Variants in JAZF1 observed in about 807,000 individuals in gnomAD.
JAZF1 encodes the protein JAZF zinc finger 1.
JAZF1 carries 8 observed loss-of-function variants against 26.4 expected under a neutral mutation model. The observed-to-expected ratio is 0.30, with a 90% CI of 0.18 to 0.55. The LOEUF (loss-of-function observed/expected upper bound fraction) is 0.55, where lower values mean the gene tolerates loss of function less well. JAZF1 is among the 20% of genes least tolerant of loss of function. The pLI is 0.94. For synonymous variants in JAZF1, 126 were observed against 122.3 expected (o/e 1.03, Z -0.20); for missense variants, 199 against 322.0 (o/e 0.62, Z 2.92).
intron 1 of JAZF1, among the ~76,000 whole-genome samples, chr7:28,027,042 C>T (rs1783105624): frequency 6.6e-6 from 1 of 152,208 alleles, no homozygotes; most frequent in Non-Finnish European, 1.5e-5. Context: ...GTGAAAGTCT[C>T]CAAGCTCTGC....
intron 2 of JAZF1, among the ~76,000 whole-genome samples, chr7:27,908,661 A>G (rs1330595516): frequency 1.3e-5 from 2 of 152,206 alleles, no homozygotes; most frequent in Admixed American, 6.5e-5. Flanking sequence ...ACAGCAACCA[A>G]TCAGAAGGGG....
chr7:27,957,471 T>C lies in JAZF1; in HGVS notation c.188+34438A>G, dbSNP rs76902976. ...CAAACGACGCAGCTGGTGTGAAGCATTGTACATTTCAAGAACACCAGATAC... is the reference window on the plus strand; with the variant it reads ...CAAACGACGCAGCTGGTGTGAAGCACTGTACATTTCAAGAACACCAGATAC... On this transcript the variant is annotated intron_variant, in intron 2 of 4. Transcript: ENST00000283928. 7.7e-3 allele frequency among the ~76,000 whole-genome samples: 1,174 copies of C among 152,242 alleles called. 12 individuals are homozygous for C. The highest frequency in any genetic ancestry group is 0.027 in the African/African-American group (1,111 of 41,538).
intron 1 of JAZF1, among the ~76,000 whole-genome samples, chr7:28,050,071 G>A (rs1783586099): frequency 6.6e-6 from 1 of 152,136 alleles, no homozygotes; most frequent in Non-Finnish European, 1.5e-5. Flanking sequence ...CCCACCAAGA[G>A]TTGCCTCATT....
At chr7:27,916,845 TGTC>T (rs1263772497) in intron 2 of JAZF1, among the ~76,000 whole-genome samples, 2 of 152,244 alleles carry the variant, frequency 1.3e-5, no homozygotes, top group African/African-American at 4.8e-5. Flanking sequence ...GCTCTGTCCA[TGTC>T]GGTGAGTGAC....
chr7:27,993,731 C>T (rs897498255), intron 1 of JAZF1, among the ~76,000 whole-genome samples: 6 of 152,120 alleles, frequency 3.9e-5, no homozygotes, highest in African/African-American at 1.4e-4. Context: ...TAAGAAAGAA[C>T]AGGGCAATGT....
At chr7:27,847,628 C>T (rs1257865041) in intron 3 of JAZF1, among the ~76,000 whole-genome samples, 1 of 152,164 alleles carries the variant, frequency 6.6e-6, no homozygotes, top group African/African-American at 2.4e-5. Context: ...GTCTATGTGG[C>T]TGATTTCATC....
intron 1 of JAZF1, among the ~76,000 whole-genome samples, chr7:28,018,778 T>G (rs778161093): frequency 1.3e-5 from 2 of 152,306 alleles, no homozygotes; most frequent in South Asian, 4.1e-4. Context: ...GGTGGTTTTT[T>G]TGAAAGACAG....
chr7:27,917,976 A>G (rs1349847446), intron 2 of JAZF1, among the ~76,000 whole-genome samples: 3 of 152,146 alleles, frequency 2.0e-5, no homozygotes, highest in Admixed American at 1.3e-4. Flanking sequence ...CGGGCAGATG[A>G]CTTGATTTAG....
chr7:28,107,971 A>G (rs902076330), intron 1 of JAZF1, among the ~76,000 whole-genome samples: 3 of 152,150 alleles, frequency 2.0e-5, no homozygotes, highest in Non-Finnish European at 4.4e-5. Flanking sequence ...TGAGCTCAGA[A>G]GGCATTTGCT....
At chr7:27,981,849 G>A (rs1012823009) in intron 2 of JAZF1, among the ~76,000 whole-genome samples, 1 of 152,184 alleles carries the variant, frequency 6.6e-6, no homozygotes, top group Admixed American at 6.5e-5. Flanking sequence ...CCTACTGACA[G>A]TTTATGCCAA....
chr7:27,896,817 T>C (rs1784073379), intron 2 of JAZF1, among the ~76,000 whole-genome samples: 1 of 152,258 alleles, frequency 6.6e-6, no homozygotes, highest in African/African-American at 2.4e-5. Context: ...AATCCAGATA[T>C]ATAAACTGGA....
intron 1 of JAZF1, among the ~76,000 whole-genome samples, chr7:28,004,155 T>A (rs1428671428): frequency 6.6e-6 from 1 of 152,158 alleles, no homozygotes; most frequent in Non-Finnish European, 1.5e-5. Context: ...GCATGTTTTG[T>A]GATTTAAGTA....
intron 1 of JAZF1, among the ~76,000 whole-genome samples, chr7:28,135,684 TC>T (rs1477701834): frequency 1.3e-5 from 2 of 152,176 alleles, no homozygotes; most frequent in Non-Finnish European, 2.9e-5. Context: ...ACTTTTTAAG[TC>T]TGATCAATAG....
At chr7:28,146,020 A>C (rs1223044429) in intron 1 of JAZF1, among the ~76,000 whole-genome samples, 1 of 152,102 alleles carries the variant, frequency 6.6e-6, no homozygotes, top group Non-Finnish European at 1.5e-5. Flanking sequence ...TCTTCCTAGA[A>C]GCCTTAAGAT....
intron 1 of JAZF1, among the ~76,000 whole-genome samples, chr7:28,054,005 G>A (rs1388661912): frequency 6.6e-6 from 1 of 152,202 alleles, no homozygotes; most frequent in African/African-American, 2.4e-5. Context: ...TCTTCAATTA[G>A]GGTAGGAATC....
At position 27,904,976 on chromosome 7, in the gene JAZF1, C is replaced by T. The variant is rs550702888; in HGVS notation, c.189-9560G>A. Among the ~76,000 whole-genome samples the T allele has an allele frequency of 2.6e-5, 4 of 152,300 alleles. No homozygotes were observed. The South Asian group carries it at 8.3e-4, about 32-fold the overall frequency. ...TAAGACAGGGTCTCACTCTGTCAACCAGGCTGGGGTGCAGTGGTGCCATCA... is the reference window on the plus strand; with the variant it reads ...TAAGACAGGGTCTCACTCTGTCAACTAGGCTGGGGTGCAGTGGTGCCATCA... On this transcript the variant is annotated intron_variant, in intron 2 of 4. Transcript: ENST00000283928.
At chr7:27,964,150 C>A (rs572739603) in intron 2 of JAZF1, among the ~76,000 whole-genome samples, 1 of 152,154 alleles carries the variant, frequency 6.6e-6, no homozygotes, top group South Asian at 2.1e-4. Flanking sequence ...AAAATTGTTA[C>A]AAAAATTGGA....
chr7:28,146,861 T>G (rs1583584800), intron 1 of JAZF1, among the ~76,000 whole-genome samples: 1 of 151,566 alleles, frequency 6.6e-6, no homozygotes, highest in Non-Finnish European at 1.5e-5. Flanking sequence ...GTGGTTTTTT[T>G]TTGTTTTTTT....
At chr7:27,969,304 T>G (rs755913725) in intron 2 of JAZF1, among the ~76,000 whole-genome samples, 1 of 151,970 alleles carries the variant, frequency 6.6e-6, no homozygotes, top group Non-Finnish European at 1.5e-5. Context: ...AATATCTCAT[T>G]AGGGGAGAGA....
Sources: allele counts gnomAD v4.1 joint callset (sites outside exome capture counted in the v4.1 genomes callset), GRCh38; gene constraint gnomAD v4.1.1; transcripts MANE v1.5; gene names NCBI Gene and HGNC (gene_info 2026-07-23, HGNC 2026-07-21).